TNC: variants seen among roughly 807,000 people sequenced by gnomAD.
The protein encoded by TNC is tenascin.
A neutral mutation model predicts 202.4 loss-of-function variants in TNC; 109 were observed. The ratio of observed to expected loss-of-function variants is 0.54; its 90% CI spans 0.46 to 0.63. TNC has a LOEUF of 0.63. Ranked by LOEUF, TNC falls within the 30% of genes least tolerant of loss-of-function variation. The pLI is 0.00. For missense variants in TNC, 2,756 were observed against 2,833.3 expected (o/e 0.97, Z 0.62); for synonymous variants, 1,007 against 1,089.7 (o/e 0.92, Z 1.50).
Position 115,040,236 on chromosome 9 carries a change from A to T in TNC, c.5392+705T>A, listed in dbSNP as rs549053224. ...TTCAAATTTGGTTCCAGCATTTACT[A>T]ATTATGTGGGCTTGGCCAAGGTATT... On this transcript the variant is annotated intron_variant, in intron 19 of 27. Transcript: ENST00000350763. Among the ~76,000 whole-genome samples the T allele has an allele frequency of 2.0e-5, 3 of 152,300 alleles. No individual in the cohort carries two copies. The East Asian group carries it at 5.8e-4, about 29-fold the overall frequency.
intron 17 of TNC, among the ~76,000 whole-genome samples, chr9:115,045,568 G>T (rs1831120522): frequency 1.7e-5 from 2 of 118,130 alleles, no homozygotes; most frequent in African/African-American, 3.4e-5. Context: ...TTTTTGCACA[G>T]GTAGGGTCTT....
intron 16 of TNC, among the ~76,000 whole-genome samples, chr9:115,047,974 G>A (rs1275746873): frequency 6.6e-6 from 1 of 152,148 alleles, no homozygotes; most frequent in African/African-American, 2.4e-5. Flanking sequence ...CACAAGGGAC[G>A]ATGATATGAG....
chr9:115,082,940 A>G lies in TNC; in HGVS notation c.2132-133T>C. ...TGACAACCAGAGCAGGTGTCCTTTT[A>G]AAGCTTCTTCTGGGATGAGGTCTCT... is the stretch of plus-strand genomic sequence containing the variant. On this transcript the variant is annotated intron_variant, in intron 4 of 27. Transcript: ENST00000350763. 3 of 625,762 alleles carry G rather than the reference A, an allele frequency of 4.8e-6. No homozygotes were observed. The South Asian group carries it at 6.0e-5, about 13-fold the overall frequency. 38.8% of individuals were successfully genotyped at this position (625,762 alleles called of 1,614,324 possible). A position where few individuals can be genotyped will look rare whatever the true frequency, so the allele number is the denominator to read the frequency against.
chr9:115,097,064 A>G (rs1320994703), intron 1 of TNC, among the ~76,000 whole-genome samples: 4 of 152,164 alleles, frequency 2.6e-5, no homozygotes, highest in African/African-American at 9.7e-5. Flanking sequence ...TTTTGAGGGC[A>G]CTCAGTCCAT....
At chr9:115,069,357 G>T (rs1462158344) in intron 10 of TNC, among the ~76,000 whole-genome samples, 1 of 151,898 alleles carries the variant, frequency 6.6e-6, no homozygotes. Context: ...TTGACCTTAA[G>T]CAGGGTTTAG....
In TNC at chr9:115,036,227, G is replaced by T; in HGVS notation, c.5527C>A (p.Arg1843Ser). The change falls in exon 21 of 28, where the codon CGC becomes AGC. Residue 1843 changes from arginine (R) to serine (S), a missense_variant. Transcript: ENST00000350763. ...TCCACTGTGTTCCCGGACACCGTGC[G>T]TGTAATTTCTGGCACTAAACATGAA... ...YTGEKVPEIT[R>S]TVSGNTVEYA... The T allele has an allele frequency of 6.2e-7, 1 of 1,614,082 alleles. No homozygotes were observed. Among genetic ancestry groups the T allele is most frequent in the South Asian group, 1.1e-5 (1 of 91,074 alleles).
At chr9:115,030,781 C>A (rs1182493801) in intron 23 of TNC, among the ~76,000 whole-genome samples, 1 of 152,112 alleles carries the variant, frequency 6.6e-6, no homozygotes, top group East Asian at 1.9e-4. Flanking sequence ...AATGACTGTC[C>A]CGTGAATTTT....
Position 115,091,012 on chromosome 9 carries a change from C to G in TNC, c.7G>C (p.Ala3Pro). 6.2e-7 allele frequency: 1 copy of G among 1,609,554 alleles called. No homozygotes were observed. ...ACACCTGCCAACAGCTGAGTCATGG[C>G]CCCCATGGTGGAGGTGGGTTTGGCT... The part of the protein sequence containing the change: MG[A>P]MTQLLAGVFL... Residue 3 changes from alanine to proline, a missense_variant, in exon 2 of 28, where the codon GCC becomes CCC. Around this residue, in one of 2 missense-constraint regions of TNC, gnomAD observed 2,559 missense variants for 2,546.0 expected, o/e 1.01. Transcript: ENST00000350763.
Position 115,050,021 on chromosome 9 carries a change from A to G in TNC, c.4580-1489T>C, listed in dbSNP as rs372183367. 2.9e-4 allele frequency among the ~76,000 whole-genome samples: 44 copies of G among 152,310 alleles called. No homozygotes were observed. In the East Asian group the frequency reaches 5.0e-3, roughly 17 times the overall value. ...AAGATTTCCCAAGAATCATAATTCT[A>G]TCAAAAGCGAGGATGAAATCTCTTA... On this transcript the variant is annotated intron_variant, in intron 15 of 27. Coordinates refer to ENST00000350763, the MANE Select transcript of TNC (RefSeq NM_002160.4).
rs781514258 is a variant in TNC at position 115,064,882 on chromosome 9, C to G, written c.3252G>C (p.Glu1084Asp). ...TGAGTCTGAGGCCATCCCAGCCAAC[C>G]TCAGTCACGGTGAGGTTTTCCAGCT... ...APELENLTVT[E>D]VGWDGLRLNW... Residue 1084 changes from glutamate (E) to aspartate (D), a missense_variant, in exon 11 of 28, where the codon GAG becomes GAC. Coordinates refer to ENST00000350763, the MANE Select transcript of TNC (RefSeq NM_002160.4). 2 of 1,614,156 alleles carry G rather than the reference C, an allele frequency of 1.2e-6. No individual in the cohort carries two copies. The highest frequency in any genetic ancestry group is 1.7e-6 in the Non-Finnish European group (2 of 1,180,026).
intron 13 of TNC, 52 bp downstream of exon 13, chr9:115,062,865 A>G (rs1832653223): frequency 1.9e-6 from 3 of 1,571,870 alleles, no homozygotes; most frequent in African/African-American, 1.4e-5. Context: ...TCTCTATTTC[A>G]ATGACATGCT....
intron 22 of TNC, among the ~76,000 whole-genome samples, chr9:115,033,975 T>C (rs1004069259): frequency 6.6e-6 from 1 of 152,214 alleles, no homozygotes; most frequent in Non-Finnish European, 1.5e-5. Context: ...AAAGCAGAGA[T>C]GTCTTTAAAG....
chr9:115,034,861 C>T (rs1319705130), intron 22 of TNC, among the ~76,000 whole-genome samples: 1 of 151,990 alleles, frequency 6.6e-6, no homozygotes. Flanking sequence ...ATAAAGATAC[C>T]ATCTGTGAGA....
intron 23 of TNC, among the ~76,000 whole-genome samples, chr9:115,030,989 T>C (rs1358116349): frequency 6.6e-6 from 1 of 152,240 alleles, no homozygotes; most frequent in East Asian, 1.9e-4. Flanking sequence ...ACAGGTCATT[T>C]AGTCTCTGAA....
At chr9:115,026,468 A>T in intron 26 of TNC, 66 bp downstream of exon 26, 3 of 1,526,650 alleles carry the variant, frequency 2.0e-6, no homozygotes, top group Non-Finnish European at 2.7e-6. Flanking sequence ...AAGTTAGAGA[A>T]ATAAACTGTA....
intron 8 of TNC, 30 bp downstream of exon 8, chr9:115,076,359 TG>T: frequency 6.2e-7 from 1 of 1,610,988 alleles, no homozygotes; most frequent in Non-Finnish European, 8.5e-7. Context: ...TAGGGCTGGC[TG>T]GCTCAGGCTT....
In TNC at chr9:115,064,761, T is replaced by C; in HGVS notation, c.3373A>G (p.Ser1125Gly). Residue 1125 changes from serine (S) to glycine (G), a missense_variant, in exon 11 of 28, where the codon AGC (serine) becomes GGC (glycine). This residue lies in a region of TNC where 2,559 missense variants were observed against 2,546.0 expected (regional missense o/e 1.01). Transcript: ENST00000350763. ...CCCGGTATGTCCACAGCCCGAAGGC[T>C]GCCAGGCACGGTGAGGTTCCGAGCT... ...EAARNLTVPG[S>G]LRAVDIPGLK... The C allele has an allele frequency of 6.2e-7, 1 of 1,614,172 alleles. No individual in the cohort carries two copies. The highest frequency in any genetic ancestry group is 2.2e-5 in the East Asian group (1 of 44,880).
chr9:115,027,572 A>G (rs1366953691), intron 25 of TNC, among the ~76,000 whole-genome samples: 1 of 152,218 alleles, frequency 6.6e-6, no homozygotes, highest in Admixed American at 6.5e-5. Flanking sequence ...CCTCGGCGAC[A>G]GAGTGAAACT....
In TNC at chr9:115,065,826, C is replaced by T. The variant is rs972154140; in HGVS notation, c.3215-907G>A. On this transcript the variant is annotated intron_variant, in intron 10 of 27. Coordinates refer to ENST00000350763, the MANE Select transcript of TNC (RefSeq NM_002160.4). Reference sequence around the variant, plus strand: ...CTGAGTTAGGAGAATCGCTTGAGCCCTGGAGGTTGAGGTTGCAGTGAGCCA... The same window carrying T: ...CTGAGTTAGGAGAATCGCTTGAGCCTTGGAGGTTGAGGTTGCAGTGAGCCA... Among the ~76,000 whole-genome samples, 4 of 146,784 alleles carry T rather than the reference C, an allele frequency of 2.7e-5. No homozygotes were observed. In the South Asian group the frequency reaches 8.6e-4, roughly 32 times the overall value.
Sources: gnomAD v4.1 joint callset for allele counts (sites outside exome capture counted in the v4.1 genomes callset) on GRCh38, gnomAD v4.1.1 for gene constraint, gnomAD v4.1.1 regional missense constraint, MANE v1.5 for transcripts, NCBI Gene and HGNC (gene_info 2026-07-23, HGNC 2026-07-21) for gene names.